The following KCNIP1 variants were observed in gnomAD, a reference collection of about 807,000 sequenced individuals.
KCNIP1 encodes potassium voltage-gated channel interacting protein 1.
In KCNIP1, 18 loss-of-function variants were observed where a neutral mutation model predicts 33.0. The observed-to-expected ratio is 0.55, with a 90% CI of 0.38 to 0.81. The LOEUF is 0.81. KCNIP1 is among the 30% of genes least tolerant of loss of function. The probability of loss-of-function intolerance (pLI) is 0.00; values close to 1 mark genes in which losing one functional copy is unlikely to be tolerated. For synonymous variants in KCNIP1, 93 were observed against 98.3 expected, an observed-to-expected ratio of 0.95 and a Z score of 0.32; for missense variants, 238 against 271.6, an observed-to-expected ratio of 0.88 and a Z score of 0.87.
intron 1 of KCNIP1, among the ~76,000 whole-genome samples, chr5:170,634,234 G>A (rs947463390): frequency 2.6e-5 from 4 of 152,336 alleles, no homozygotes; most frequent in Non-Finnish European, 4.4e-5. Context: ...GACTTGTTAA[G>A]TTTGAGATGG....
At chr5:170,412,107 G>T (rs904601791) in intron 1 of KCNIP1, among the ~76,000 whole-genome samples, 1 of 152,234 alleles carries the variant, frequency 6.6e-6, no homozygotes, top group African/African-American at 2.4e-5. Flanking sequence ...ACAAACGGTT[G>T]AGAGATGAGG....
intron 1 of KCNIP1, among the ~76,000 whole-genome samples, chr5:170,380,770 C>G (rs149133181): frequency 2.2e-4 from 34 of 152,316 alleles, no homozygotes; most frequent in African/African-American, 8.2e-4. Context: ...CTTGGCTAAC[C>G]TAGCTCCTTA....
At chr5:170,570,664 A>C (rs1032951342) in intron 1 of KCNIP1, among the ~76,000 whole-genome samples, 4 of 152,240 alleles carry the variant, frequency 2.6e-5, no homozygotes. Flanking sequence ...GGTAATTATG[A>C]CTGTGGCCCC....
intron 1 of KCNIP1, among the ~76,000 whole-genome samples, chr5:170,584,614 G>T (rs539086326): frequency 6.6e-6 from 1 of 152,182 alleles, no homozygotes; most frequent in African/African-American, 2.4e-5. Context: ...TGCACGAGGC[G>T]TGGAGGGGTG....
intron 1 of KCNIP1, among the ~76,000 whole-genome samples, chr5:170,412,956 T>G (rs998569642): frequency 6.6e-6 from 1 of 152,148 alleles, no homozygotes; most frequent in Non-Finnish European, 1.5e-5. Context: ...TTCATTTTAT[T>G]TGTGTATCTC....
chr5:170,543,594 A>G (rs1387119969), intron 1 of KCNIP1, among the ~76,000 whole-genome samples: 1 of 152,192 alleles, frequency 6.6e-6, no homozygotes, highest in Non-Finnish European at 1.5e-5. Context: ...CTTTCACAGC[A>G]CAATAAATAA....
chr5:170,480,211 G>A (rs914474580), intron 1 of KCNIP1, among the ~76,000 whole-genome samples: 1 of 152,140 alleles, frequency 6.6e-6, no homozygotes, highest in Non-Finnish European at 1.5e-5. Flanking sequence ...GAGTCAATGC[G>A]ATCGTTTCCT....
chr5:170,398,560 G>C (rs1244833339), intron 1 of KCNIP1, among the ~76,000 whole-genome samples: 1 of 152,186 alleles, frequency 6.6e-6, no homozygotes, highest in Non-Finnish European at 1.5e-5. Flanking sequence ...TTACTAGCAA[G>C]ATTGTACAGT....
At chr5:170,380,757 G>GC (rs1368709306) in intron 1 of KCNIP1, among the ~76,000 whole-genome samples, 1 of 152,206 alleles carries the variant, frequency 6.6e-6, no homozygotes, top group Non-Finnish European at 1.5e-5. Flanking sequence ...CTCTGACTGT[G>GC]ACCTTGGCTA....
At chr5:170,698,494 G>T (rs1380343532) in intron 1 of KCNIP1, among the ~76,000 whole-genome samples, 1 of 152,062 alleles carries the variant, frequency 6.6e-6, no homozygotes, top group Non-Finnish European at 1.5e-5. Context: ...TCTTTAAAAG[G>T]GTGGCAGAAT....
intron 1 of KCNIP1, among the ~76,000 whole-genome samples, chr5:170,521,857 A>T (rs1755374962): frequency 6.6e-6 from 1 of 152,248 alleles, no homozygotes; most frequent in Admixed American, 6.5e-5. Flanking sequence ...TTTATCATTC[A>T]TATAACTTCT....
intron 1 of KCNIP1, among the ~76,000 whole-genome samples, chr5:170,643,593 C>T (rs997855126): frequency 1.3e-5 from 2 of 152,206 alleles, no homozygotes; most frequent in Non-Finnish European, 2.9e-5. Context: ...AAGTGAGACT[C>T]GCCTTCCCCA....
intron 1 of KCNIP1, among the ~76,000 whole-genome samples, chr5:170,670,266 C>T (rs980328974): frequency 2.0e-5 from 3 of 151,984 alleles, no homozygotes; most frequent in East Asian, 1.9e-4. Context: ...GACAGATGGA[C>T]GGAGAGAGAG....
chr5:170,727,274 T>A (rs1764041409), intron 5 of KCNIP1, among the ~76,000 whole-genome samples: 1 of 152,156 alleles, frequency 6.6e-6, no homozygotes, highest in Non-Finnish European at 1.5e-5. Context: ...GTAACAGAAA[T>A]TAGATCTGTG....
intron 1 of KCNIP1, among the ~76,000 whole-genome samples, chr5:170,630,989 C>T (rs1397910475): frequency 6.6e-6 from 1 of 152,126 alleles, no homozygotes; most frequent in Non-Finnish European, 1.5e-5. Flanking sequence ...GGAGGGAACA[C>T]TAGGTTAGGA....
At chr5:170,473,487 C>T (rs747902073) in intron 1 of KCNIP1, among the ~76,000 whole-genome samples, 1 of 152,214 alleles carries the variant, frequency 6.6e-6, no homozygotes, top group Non-Finnish European at 1.5e-5. Flanking sequence ...ACTCCAGAGT[C>T]TACCTTCTTA....
chr5:170,369,835 C>A (rs1219263247), intron 1 of KCNIP1, among the ~76,000 whole-genome samples: 1 of 152,192 alleles, frequency 6.6e-6, no homozygotes, highest in African/African-American at 2.4e-5. Context: ...GGTTGGCCTA[C>A]CTCGCACTGG....
At chr5:170,668,606 A>T (rs182541055) in intron 1 of KCNIP1, among the ~76,000 whole-genome samples, 2 of 152,372 alleles carry the variant, frequency 1.3e-5, no homozygotes, top group Admixed American at 1.3e-4. Flanking sequence ...TACAGACGGC[A>T]TGCTTGGCTC....
chr5:170,433,377 G>A (rs1755787417), intron 1 of KCNIP1, among the ~76,000 whole-genome samples: 1 of 152,002 alleles, frequency 6.6e-6, no homozygotes, highest in Non-Finnish European at 1.5e-5. Flanking sequence ...AGTAGAGATG[G>A]GATTTCACCA....
Sources: gnomAD v4.1 joint callset for allele counts (sites outside exome capture counted in the v4.1 genomes callset) on GRCh38, gnomAD v4.1.1 for gene constraint, MANE v1.5 for transcripts, NCBI Gene and HGNC (gene_info 2026-07-23, HGNC 2026-07-21) for gene names.